The following PHF21A variants were observed in gnomAD, a reference collection of about 807,000 sequenced individuals.
PHF21A encodes BHC80a.
A neutral mutation model predicts 82.5 loss-of-function variants in PHF21A; 11 were observed. The observed-to-expected ratio is 0.13, with a 90% CI of 0.08 to 0.22. The LOEUF (loss-of-function observed/expected upper bound fraction) is 0.22, where lower values mean the gene tolerates loss of function less well. Ranked by LOEUF, PHF21A falls within the 10% of genes least tolerant of loss-of-function variation. PHF21A has a pLI of 1.00. For missense variants in PHF21A, 579 were observed against 837.8 expected, an observed-to-expected ratio of 0.69 and a Z score of 3.81; for synonymous variants, 297 against 302.8, an observed-to-expected ratio of 0.98 and a Z score of 0.20.
At chr11:46,013,373 C>T (rs1268424986) in intron 6 of PHF21A, among the ~76,000 whole-genome samples, 1 of 152,154 alleles carries the variant, frequency 6.6e-6, no homozygotes, top group East Asian at 1.9e-4. Flanking sequence ...ATCAGATCAA[C>T]TGTGGCAGTA....
chr11:46,048,979 C>G (rs1305829584), intron 6 of PHF21A, among the ~76,000 whole-genome samples: 1 of 152,098 alleles, frequency 6.6e-6, no homozygotes, highest in Non-Finnish European at 1.5e-5. Context: ...TGAAGCTAGA[C>G]CACAGAAGGG....
chr11:45,956,403 G>C (rs893730115), intron 10 of PHF21A, among the ~76,000 whole-genome samples: 43 of 152,098 alleles, frequency 2.8e-4, no homozygotes, highest in African/African-American at 1.0e-3. Flanking sequence ...ACAACATAAA[G>C]GAGGGGCAGA....
intron 15 of PHF21A, among the ~76,000 whole-genome samples, chr11:45,944,788 T>C (rs556927476): frequency 9.9e-5 from 15 of 152,242 alleles, no homozygotes; most frequent in Non-Finnish European, 1.9e-4. Context: ...TTTTTAGAGA[T>C]GGAGTCTCAC....
chr11:45,934,324 G>A (rs1448540408), intron 18 of PHF21A, 99 bp from the exon 19 acceptor site: 10 of 1,237,874 alleles, frequency 8.1e-6, no homozygotes, highest in Non-Finnish European at 9.0e-6. Flanking sequence ...CCAGGGAGAA[G>A]AAGCTCTGCT....
At chr11:46,013,642 C>T (rs575883754) in intron 6 of PHF21A, among the ~76,000 whole-genome samples, 1 of 152,048 alleles carries the variant, frequency 6.6e-6, no homozygotes, top group African/African-American at 2.4e-5. Flanking sequence ...CATTGCTGTG[C>T]GAACATCATA....
At chr11:45,941,280 G>A (rs1197072861) in intron 15 of PHF21A, among the ~76,000 whole-genome samples, 5 of 151,974 alleles carry the variant, frequency 3.3e-5, no homozygotes, top group Non-Finnish European at 7.4e-5. Flanking sequence ...TTTATTTTTT[G>A]TAGAGATGGG....
chr11:46,097,214 A>C (rs2097011580), intron 1 of PHF21A, among the ~76,000 whole-genome samples: 1 of 152,164 alleles, frequency 6.6e-6, no homozygotes, highest in Admixed American at 6.5e-5. Context: ...TAAGCTTTTC[A>C]AAATCCAAGA....
intron 6 of PHF21A, among the ~76,000 whole-genome samples, chr11:46,037,868 T>C (rs931124249): frequency 6.6e-6 from 1 of 152,070 alleles, no homozygotes; most frequent in African/African-American, 2.4e-5. Context: ...CTGAGGCTTT[T>C]TCAGCTCAGA....
chr11:45,986,945 G>A (rs1283048547), intron 6 of PHF21A, among the ~76,000 whole-genome samples: 1 of 151,760 alleles, frequency 6.6e-6, no homozygotes, highest in African/African-American at 2.4e-5. Flanking sequence ...CAAAGCGAAT[G>A]CTACCTGTTG....
At chr11:46,007,319 CTT>C (rs929759044) in intron 6 of PHF21A, among the ~76,000 whole-genome samples, 1 of 145,232 alleles carries the variant, frequency 6.9e-6, no homozygotes, top group Non-Finnish European at 1.5e-5. Flanking sequence ...TCTTCTTCTT[CTT>C]TTTTTTTTTT....
chr11:45,973,607 C>T (rs1203290490), intron 7 of PHF21A, among the ~76,000 whole-genome samples: 2 of 152,092 alleles, frequency 1.3e-5, no homozygotes, highest in Non-Finnish European at 2.9e-5. Context: ...GTGATGAAAA[C>T]CAAATAAAAG....
intron 6 of PHF21A, among the ~76,000 whole-genome samples, chr11:45,983,409 C>G (rs1279125334): frequency 6.6e-6 from 1 of 152,036 alleles, no homozygotes; most frequent in East Asian, 1.9e-4. Flanking sequence ...AACTGCCACT[C>G]AGAAATGAAT....
At chr11:45,975,873 G>GC (rs1169604425) in intron 7 of PHF21A, among the ~76,000 whole-genome samples, 1 of 151,616 alleles carries the variant, frequency 6.6e-6, no homozygotes, top group Non-Finnish European at 1.5e-5. Context: ...TCTCCCCCTG[G>GC]CCCCCCGATT....
chr11:46,084,016 C>T (rs943944738), intron 4 of PHF21A, 150 bp downstream of exon 4: 8 of 507,448 alleles, frequency 1.6e-5, no homozygotes, highest in South Asian at 3.6e-5. Context: ...ATGACTTTGT[C>T]GAGTAGTGGT....
At chr11:46,048,148 C>T (rs1220854670) in intron 6 of PHF21A, among the ~76,000 whole-genome samples, 1 of 152,214 alleles carries the variant, frequency 6.6e-6, no homozygotes, top group African/African-American at 2.4e-5. Context: ...CATTCCCCAA[C>T]TACCCACACA....
Position 45,940,000 on chromosome 11 carries a change from A to G in PHF21A, c.1453-1688T>C, listed in dbSNP as rs531512662. On this transcript the variant is annotated intron_variant, in intron 15 of 18. Coordinates refer to ENST00000676320, the MANE Select transcript of PHF21A (RefSeq NM_001352027.3). ...ACAGAAATTGTGCACAAGAAGCAAT[A>G]ATAGAGAGGAATGTGAATCCTTCCT... Among the ~76,000 whole-genome samples, 9 of 152,152 alleles carry G rather than the reference A, an allele frequency of 5.9e-5. No individual in the cohort carries two copies. In the South Asian group the frequency reaches 6.2e-4, roughly 11 times the overall value.
chr11:46,010,602 G>T (rs2095392552), intron 6 of PHF21A, among the ~76,000 whole-genome samples: 1 of 152,052 alleles, frequency 6.6e-6, no homozygotes, highest in Non-Finnish European at 1.5e-5. Context: ...CTCTTCTTTT[G>T]GTAATTCATA....
intron 6 of PHF21A, among the ~76,000 whole-genome samples, chr11:46,046,000 A>C (rs2096250493): frequency 6.6e-6 from 1 of 152,252 alleles, no homozygotes; most frequent in Non-Finnish European, 1.5e-5. Flanking sequence ...GGAAGAAAAG[A>C]TAAAAACACA....
intron 16 of PHF21A, 144 bp from the exon 17 acceptor site, chr11:45,936,713 TAGTTTCTGGACTAAAAAGTTCC>T: frequency 3.2e-6 from 2 of 632,048 alleles, no homozygotes. Context: ...CCCTGGTCTA[TAGTTTCTGGACTAAAAAGTTCC>T]AAATATCAGC....
Sources: gnomAD v4.1 joint callset for allele counts (sites outside exome capture counted in the v4.1 genomes callset) on GRCh38, gnomAD v4.1.1 for gene constraint, MANE v1.5 for transcripts, NCBI Gene and HGNC (gene_info 2026-07-23, HGNC 2026-07-21) for gene names.